The following CAMK1D variants were observed in gnomAD, a reference collection of about 807,000 sequenced individuals.
The protein encoded by CAMK1D is calcium/calmodulin dependent protein kinase ID, also known as calcium/calmodulin-dependent protein kinase type 1D.
CAMK1D carries 9 observed loss-of-function variants against 47.7 expected under a neutral mutation model. That is an observed-to-expected ratio of 0.19 (90% confidence interval 0.11 to 0.33). The LOEUF (loss-of-function observed/expected upper bound fraction) is 0.33, where lower values mean the gene tolerates loss of function less well. Among genes scored for constraint, CAMK1D ranks in the 10% least tolerant of loss-of-function variants. CAMK1D has a pLI of 1.00. For missense variants in CAMK1D, 291 were observed against 488.7 expected (o/e 0.60, Z 3.81); for synonymous variants, 184 against 184.9 (o/e 0.99, Z 0.04).
At chr10:12,388,025 G>A (rs1838585632) in intron 1 of CAMK1D, among the ~76,000 whole-genome samples, 1 of 152,062 alleles carries the variant, frequency 6.6e-6, no homozygotes, top group Non-Finnish European at 1.5e-5. Context: ...CTCCCTTTCT[G>A]TAGGCATCTT....
chr10:12,444,281 C>G (rs1832868119), intron 1 of CAMK1D, among the ~76,000 whole-genome samples: 1 of 152,190 alleles, frequency 6.6e-6, no homozygotes, highest in African/African-American at 2.4e-5. Flanking sequence ...TACCCAGCTC[C>G]TATTCAAGAT....
At chr10:12,710,904 C>T (rs1833913901) in intron 3 of CAMK1D, among the ~76,000 whole-genome samples, 1 of 151,958 alleles carries the variant, frequency 6.6e-6, no homozygotes, top group Admixed American at 6.5e-5. Flanking sequence ...GACATTTGAT[C>T]AATCACTATT....
chr10:12,796,332 C>T (rs559153838), intron 6 of CAMK1D, among the ~76,000 whole-genome samples: 23 of 152,250 alleles, frequency 1.5e-4, no homozygotes, highest in African/African-American at 2.4e-4. Flanking sequence ...CTAGGCAAAA[C>T]GCTGATGGTA....
chr10:12,510,926 A>G (rs1465581041), intron 1 of CAMK1D, among the ~76,000 whole-genome samples: 1 of 152,230 alleles, frequency 6.6e-6, no homozygotes, highest in Non-Finnish European at 1.5e-5. Flanking sequence ...CTCTGCTAAG[A>G]AACGGAGACT....
At chr10:12,439,731 C>T (rs745339995) in intron 1 of CAMK1D, among the ~76,000 whole-genome samples, 11 of 152,200 alleles carry the variant, frequency 7.2e-5, no homozygotes, top group Non-Finnish European at 1.6e-4. Context: ...TGGGAAAGAC[C>T]TTAGTGGCCT....
At chr10:12,545,050 A>G (rs571705138) in intron 1 of CAMK1D, among the ~76,000 whole-genome samples, 2 of 152,338 alleles carry the variant, frequency 1.3e-5, no homozygotes, top group South Asian at 4.2e-4. Flanking sequence ...AGTTGGTACA[A>G]GTATTATTAG....
At chr10:12,628,080 C>CAAAAAAA (rs1248686635) in intron 2 of CAMK1D, among the ~76,000 whole-genome samples, 2 of 81,532 alleles carry the variant, frequency 2.5e-5, no homozygotes, top group Non-Finnish European at 2.8e-5. Context: ...GACTCTGTCT[C>CAAAAAAA]AAAAAAAAAC....
At chr10:12,589,671 C>T (rs547604256) in intron 2 of CAMK1D, among the ~76,000 whole-genome samples, 2 of 152,276 alleles carry the variant, frequency 1.3e-5, no homozygotes, top group East Asian at 3.9e-4. Flanking sequence ...TCAGCTCCTC[C>T]AACACAGGGA....
At chr10:12,525,718 A>C (rs796377469) in intron 1 of CAMK1D, among the ~76,000 whole-genome samples, 31 of 152,102 alleles carry the variant, frequency 2.0e-4, no homozygotes, top group African/African-American at 7.0e-4. Context: ...TGTTTTAACT[A>C]TTTGTTTAGT....
At chr10:12,490,272 C>G (rs1248935021) in intron 1 of CAMK1D, among the ~76,000 whole-genome samples, 2 of 152,066 alleles carry the variant, frequency 1.3e-5, no homozygotes, top group Non-Finnish European at 2.9e-5. Context: ...TGTGAAACAG[C>G]GAGACTGTTC....
chr10:12,597,281 C>A (rs567753508), intron 2 of CAMK1D, among the ~76,000 whole-genome samples: 1 of 152,278 alleles, frequency 6.6e-6, no homozygotes, highest in South Asian at 2.1e-4. Context: ...GGGAAGCATC[C>A]ATCACCCCCT....
chr10:12,646,135 G>A lies in CAMK1D; in HGVS notation c.225-20601G>A, dbSNP rs549582294. On this transcript the variant is annotated intron_variant, in intron 2 of 10. Coordinates refer to ENST00000619168, the MANE Select transcript of CAMK1D (RefSeq NM_153498.4). ...GATAAAAACTTGAGTCCTTGGTATA[G>A]GAGGTGATTTCTGAAGCAAAATATT... 1.2e-3 allele frequency among the ~76,000 whole-genome samples: 190 copies of A among 152,216 alleles called. 2 individuals carry two copies. The highest frequency in any genetic ancestry group is 4.3e-3 in the African/African-American group (177 of 41,550).
chr10:12,437,194 G>A (rs1832660660), intron 1 of CAMK1D, among the ~76,000 whole-genome samples: 1 of 151,940 alleles, frequency 6.6e-6, no homozygotes, highest in Non-Finnish European at 1.5e-5. Flanking sequence ...CTGTCTGTCT[G>A]TCTGTCTATG....
At position 12,652,329 on chromosome 10, in the gene CAMK1D, C is replaced by T. The variant is rs181386913; in HGVS notation, c.225-14407C>T. On this transcript the variant is annotated intron_variant, in intron 2 of 10. Transcript: ENST00000619168. ...GGGTGCTGTGGCTCACGCCTGTAAT[C>T]CCAGCACTTTGGGAGGCAGAGATGG... Among the ~76,000 whole-genome samples, 280 of 151,622 alleles carry T rather than the reference C, an allele frequency of 1.8e-3. 1 individual carries two copies. Among genetic ancestry groups the T allele is most frequent in the Middle Eastern group, 0.017 (5 of 294 alleles).
chr10:12,440,360 C>T (rs1170313340), intron 1 of CAMK1D, among the ~76,000 whole-genome samples: 1 of 151,040 alleles, frequency 6.6e-6, no homozygotes, highest in East Asian at 1.9e-4. Flanking sequence ...TCTTGGCTCA[C>T]TACAGCCTCC....
At chr10:12,432,710 C>T (rs896573442) in intron 1 of CAMK1D, among the ~76,000 whole-genome samples, 2 of 152,206 alleles carry the variant, frequency 1.3e-5, no homozygotes, top group African/African-American at 4.8e-5. Flanking sequence ...AATGAGTGAA[C>T]GAATGAATGG....
intron 2 of CAMK1D, among the ~76,000 whole-genome samples, chr10:12,566,912 G>T (rs574991837): frequency 7.9e-4 from 120 of 152,286 alleles, no homozygotes; most frequent in Non-Finnish European, 1.2e-3. Context: ...TGGCAGCGAT[G>T]CAGTGTTTTT....
intron 1 of CAMK1D, among the ~76,000 whole-genome samples, chr10:12,502,763 T>C (rs1267446122): frequency 6.6e-6 from 1 of 152,140 alleles, no homozygotes; most frequent in African/African-American, 2.4e-5. Context: ...GGCAGAGCGC[T>C]GGGAAGGAGG....
At chr10:12,744,510 T>C (rs774731538) in intron 3 of CAMK1D, among the ~76,000 whole-genome samples, 10 of 152,206 alleles carry the variant, frequency 6.6e-5, no homozygotes, top group Non-Finnish European at 1.5e-4. Context: ...CTTTTTGCTG[T>C]TTTGGTTTTA....
Sources: allele counts gnomAD v4.1 joint callset (sites outside exome capture counted in the v4.1 genomes callset), GRCh38; gene constraint gnomAD v4.1.1; transcripts MANE v1.5; gene names NCBI Gene and HGNC (gene_info 2026-07-23, HGNC 2026-07-21).